The following PELI2 variants were observed in gnomAD, a reference collection of about 807,000 sequenced individuals.
The protein encoded by PELI2 is E3 ubiquitin-protein ligase pellino homolog 2.
In PELI2, 23 loss-of-function variants were observed where a neutral mutation model predicts 42.3. The observed-to-expected ratio is 0.54, with a 90% CI of 0.39 to 0.77. The LOEUF (loss-of-function observed/expected upper bound fraction) is 0.77, where lower values mean the gene tolerates loss of function less well. Ranked by LOEUF, PELI2 falls within the 30% of genes least tolerant of loss-of-function variation. The pLI, the probability that PELI2 is intolerant of heterozygous loss-of-function variation, is 0.00. For synonymous variants in PELI2, 245 were observed against 212.2 expected, an observed-to-expected ratio of 1.15 and a Z score of -1.34; for missense variants, 463 against 553.2, an observed-to-expected ratio of 0.84 and a Z score of 1.64.
chr14:56,252,535 G>C (rs1888382931), intron 2 of PELI2, among the ~76,000 whole-genome samples: 1 of 152,152 alleles, frequency 6.6e-6, no homozygotes, highest in Non-Finnish European at 1.5e-5. Context: ...TTGTTGCCTT[G>C]AGCCAGGAAA....
chr14:56,135,439 A>T (rs1051874298), intron 1 of PELI2, among the ~76,000 whole-genome samples: 6 of 152,230 alleles, frequency 3.9e-5, no homozygotes, highest in African/African-American at 1.4e-4. Flanking sequence ...ATAAAAAATG[A>T]TGCAGAAATT....
At chr14:56,292,772 G>T (rs982317938) in intron 5 of PELI2, 1 of 978,382 alleles carries the variant, frequency 1.0e-6, no homozygotes, top group African/African-American at 1.8e-5. Flanking sequence ...ATTAAATATG[G>T]GGGAAATGTC....
chr14:56,208,398 C>A (rs1424912633), intron 2 of PELI2, among the ~76,000 whole-genome samples: 4 of 152,204 alleles, frequency 2.6e-5, no homozygotes, highest in Non-Finnish European at 5.9e-5. Flanking sequence ...AGAATCTGCT[C>A]TAAGAACTAA....
chr14:56,288,581 A>C lies in PELI2; in HGVS notation c.454A>C (p.Thr152Pro). The C allele has an allele frequency of 3.1e-6, 5 of 1,614,020 alleles. No homozygotes were observed. The highest frequency in any genetic ancestry group is 4.2e-6 in the Non-Finnish European group (5 of 1,179,972). ...CGTGTGCGACAGGAATGAACCTTACACAGCACGGATATTCGCCGCCGGATT... is the reference window on the plus strand; with the variant it reads ...CGTGTGCGACAGGAATGAACCTTACCCAGCACGGATATTCGCCGCCGGATT... ...RIVCDRNEPY[T>P]ARIFAAGFDS... is the part of the protein sequence containing the mutation. The change falls in exon 4 of 6, where the codon ACA becomes CCA. Residue 152 changes from threonine (T) to proline (P), a missense_variant. By Grantham distance (38) the Thr-to-Pro change is conservative. This residue lies in a region of PELI2 where 343 missense variants were observed against 378.4 expected (regional missense o/e 0.91). Coordinates refer to ENST00000267460, the MANE Select transcript of PELI2 (RefSeq NM_021255.3). This position sits in a 1 kb window ranked among gnomAD's most constrained non-coding sequence, Gnocchi z 4.6.
At chr14:56,295,335 G>GGGT (rs1889962654) in intron 5 of PELI2, among the ~76,000 whole-genome samples, 2 of 151,854 alleles carry the variant, frequency 1.3e-5, no homozygotes, top group Non-Finnish European at 2.9e-5. Flanking sequence ...TCTCCCGCCT[G>GGGT]GGTCTCTCGT....
chr14:56,122,202 A>G (rs1883085803), intron 1 of PELI2, among the ~76,000 whole-genome samples: 2 of 152,214 alleles, frequency 1.3e-5, no homozygotes, highest in South Asian at 4.1e-4. Context: ...TATGGCACGT[A>G]TGTACCTATG....
intron 2 of PELI2, among the ~76,000 whole-genome samples, chr14:56,258,215 C>A (rs1242272632): frequency 6.6e-6 from 1 of 152,086 alleles, no homozygotes; most frequent in Non-Finnish European, 1.5e-5. Context: ...AAAAGCAAGT[C>A]TTGGGAGATA....
chr14:56,256,673 T>C (rs563360921), intron 2 of PELI2, among the ~76,000 whole-genome samples: 1 of 152,336 alleles, frequency 6.6e-6, no homozygotes, highest in East Asian at 1.9e-4. Flanking sequence ...TTCAGTTTTC[T>C]TGGGAAGTAA....
intron 3 of PELI2, among the ~76,000 whole-genome samples, chr14:56,286,373 G>A (rs909360415): frequency 6.6e-6 from 1 of 152,196 alleles, no homozygotes; most frequent in Non-Finnish European, 1.5e-5. Flanking sequence ...TGAGGGAGGT[G>A]AGAAAAAGGT....
At chr14:56,121,897 G>T (rs1303952228) in intron 1 of PELI2, among the ~76,000 whole-genome samples, 1 of 152,208 alleles carries the variant, frequency 6.6e-6, no homozygotes, top group South Asian at 2.1e-4. Flanking sequence ...TAGCAGAAAA[G>T]ATCAATGCTG....
intron 2 of PELI2, among the ~76,000 whole-genome samples, chr14:56,268,889 G>A (rs1889000289): frequency 6.6e-6 from 1 of 152,160 alleles, no homozygotes; most frequent in African/African-American, 2.4e-5. Flanking sequence ...TGCTTTGTAG[G>A]GAGCTGCTAC....
At chr14:56,171,074 C>T (rs756634828) in intron 1 of PELI2, among the ~76,000 whole-genome samples, 1 of 152,142 alleles carries the variant, frequency 6.6e-6, no homozygotes, top group African/African-American at 2.4e-5. Context: ...TAACTTTTTG[C>T]CTTTGTAAGC....
intron 1 of PELI2, among the ~76,000 whole-genome samples, chr14:56,133,218 A>G (rs1883561428): frequency 6.6e-6 from 1 of 152,172 alleles, no homozygotes; most frequent in Admixed American, 6.5e-5. Flanking sequence ...TTTCATTTTT[A>G]GAGAATTTAA....
At chr14:56,262,557 G>A (rs1482083394) in intron 2 of PELI2, among the ~76,000 whole-genome samples, 1 of 151,972 alleles carries the variant, frequency 6.6e-6, no homozygotes, top group Non-Finnish European at 1.5e-5. Context: ...GCTGAGGATG[G>A]GATAATAAAA....
Position 56,187,770 on chromosome 14 carries a change from GGAA to G in PELI2, c.207+9309_207+9311del, listed in dbSNP as rs571149165. Among the ~76,000 whole-genome samples the G allele has an allele frequency of 1.5e-3, 225 of 152,254 alleles. 1 individual carries two copies. Among genetic ancestry groups the G allele is most frequent in the African/African-American group, 5.3e-3 (220 of 41,550 alleles). On this transcript the variant is annotated intron_variant, in intron 2 of 5. Transcript: ENST00000267460. ...GGGGAGGCACGAATGAGTGGCTTCA[GGAA>G]GATTTGGTTTTGTTTTATTGAAGTT...
intron 2 of PELI2, among the ~76,000 whole-genome samples, chr14:56,211,852 T>G (rs1357628436): frequency 1.3e-5 from 2 of 152,126 alleles, no homozygotes; most frequent in African/African-American, 2.4e-5. Flanking sequence ...CTTCTTTTTT[T>G]AAGAGGAAAA....
intron 1 of PELI2, among the ~76,000 whole-genome samples, chr14:56,165,783 T>C (rs776835275): frequency 1.9e-4 from 29 of 152,150 alleles, no homozygotes; most frequent in Non-Finnish European, 3.7e-4. Context: ...TGTCTTTTCT[T>C]ACAGTTTTTT....
chr14:56,166,692 TTC>T (rs1884976238), intron 1 of PELI2, among the ~76,000 whole-genome samples: 1 of 152,266 alleles, frequency 6.6e-6, no homozygotes. Context: ...CATGCTACTC[TTC>T]TCTGGCCTCT....
intron 3 of PELI2, among the ~76,000 whole-genome samples, chr14:56,282,506 A>G (rs1375319890): frequency 1.3e-5 from 2 of 152,104 alleles, no homozygotes; most frequent in South Asian, 2.1e-4. Context: ...TTGTGGGGAA[A>G]GGGACTGAGC....
Sources: gnomAD v4.1 joint callset for allele counts (sites outside exome capture counted in the v4.1 genomes callset) on GRCh38, gnomAD v4.1.1 for gene constraint, gnomAD v4.1.1 regional missense constraint, Gnocchi (gnomAD v3.1) non-coding constraint, MANE v1.5 for transcripts, NCBI Gene and HGNC (gene_info 2026-07-23, HGNC 2026-07-21) for gene names.